ARHGAP15: variants seen among roughly 807,000 people sequenced by gnomAD.
ARHGAP15 encodes the protein rho GTPase-activating protein 15.
ARHGAP15 carries 51 observed loss-of-function variants against 63.7 expected under a neutral mutation model. The ratio of observed to expected loss-of-function variants is 0.80; its 90% CI spans 0.64 to 1.01. ARHGAP15 has a LOEUF of 1.01. ARHGAP15 is among the 50% of genes least tolerant of loss of function. The pLI is 0.00. For synonymous variants in ARHGAP15, 191 were observed against 193.8 expected, an observed-to-expected ratio of 0.99 and a Z score of 0.12; for missense variants, 560 against 564.6, an observed-to-expected ratio of 0.99 and a Z score of 0.08.
chr2:143,630,566 C>T (rs927424801), intron 12 of ARHGAP15, among the ~76,000 whole-genome samples: 3 of 152,060 alleles, frequency 2.0e-5, no homozygotes, highest in South Asian at 2.1e-4. Context: ...AATATCTCTA[C>T]TTTTGATTTA....
At chr2:143,489,131 C>T (rs527685579) in intron 9 of ARHGAP15, among the ~76,000 whole-genome samples, 22 of 152,138 alleles carry the variant, frequency 1.4e-4, no homozygotes, top group Non-Finnish European at 4.4e-5. Context: ...GAGTTTTTCA[C>T]GACTGGGACA....
At chr2:143,234,098 C>T (rs1015423335) in intron 5 of ARHGAP15, among the ~76,000 whole-genome samples, 6 of 152,124 alleles carry the variant, frequency 3.9e-5, no homozygotes, top group Admixed American at 3.9e-4. Flanking sequence ...AGCTGCATTG[C>T]AAATAATTTC....
chr2:143,555,750 T>A (rs760351296), intron 10 of ARHGAP15, among the ~76,000 whole-genome samples: 1 of 152,100 alleles, frequency 6.6e-6, no homozygotes, highest in Non-Finnish European at 1.5e-5. Context: ...TCATTACCTA[T>A]AATACACTAG....
intron 2 of ARHGAP15, among the ~76,000 whole-genome samples, chr2:143,194,690 C>G (rs1157140225): frequency 9.1e-6 from 1 of 109,886 alleles, no homozygotes; most frequent in Non-Finnish European, 1.8e-5. Flanking sequence ...TGTGAATGAC[C>G]CCTCTCTGTC....
intron 6 of ARHGAP15, among the ~76,000 whole-genome samples, chr2:143,401,545 A>G (rs1250819817): frequency 3.3e-5 from 5 of 151,988 alleles, no homozygotes; most frequent in Non-Finnish European, 5.9e-5. Flanking sequence ...TTTGTTGTTG[A>G]GTGTTTCATG....
intron 11 of ARHGAP15, among the ~76,000 whole-genome samples, chr2:143,599,715 G>C (rs1285203262): frequency 2.0e-5 from 3 of 152,136 alleles, no homozygotes; most frequent in Non-Finnish European, 4.4e-5. Context: ...CACACAGTTA[G>C]AATTCATCTT....
intron 12 of ARHGAP15, among the ~76,000 whole-genome samples, chr2:143,695,351 T>C (rs992555654): frequency 7.9e-5 from 12 of 152,156 alleles, no homozygotes; most frequent in Non-Finnish European, 1.6e-4. Context: ...CAAAATTACT[T>C]TGAAGAGCAA....
chr2:143,288,846 C>G (rs1682245964), intron 6 of ARHGAP15, among the ~76,000 whole-genome samples: 1 of 152,018 alleles, frequency 6.6e-6, no homozygotes, highest in African/African-American at 2.4e-5. Flanking sequence ...CCAACTGCTG[C>G]TACAATCAGA....
intron 2 of ARHGAP15, among the ~76,000 whole-genome samples, chr2:143,184,929 C>T (rs182021986): frequency 7.2e-5 from 11 of 151,750 alleles, no homozygotes; most frequent in South Asian, 4.2e-4. Context: ...TCAATCTTCC[C>T]TCGTTGGTTT....
intron 6 of ARHGAP15, among the ~76,000 whole-genome samples, chr2:143,257,919 A>G (rs866840737): frequency 6.6e-6 from 1 of 152,172 alleles, no homozygotes; most frequent in African/African-American, 2.4e-5. Context: ...TAGCAAGACA[A>G]TATTCAAGCC....
intron 8 of ARHGAP15, among the ~76,000 whole-genome samples, chr2:143,483,994 G>A (rs1172907987): frequency 6.6e-6 from 1 of 152,100 alleles, no homozygotes; most frequent in Non-Finnish European, 1.5e-5. Context: ...TTGGGAGGAT[G>A]AGGCAGGAGG....
intron 8 of ARHGAP15, among the ~76,000 whole-genome samples, chr2:143,441,673 G>A (rs1375174713): frequency 1.3e-5 from 2 of 152,140 alleles, no homozygotes; most frequent in South Asian, 2.1e-4. Context: ...AAATCCATGA[G>A]TGTGGAGACC....
chr2:143,305,162 T>A (rs7562772), intron 6 of ARHGAP15, among the ~76,000 whole-genome samples: 71,597 of 151,710 alleles, frequency 0.47, 18,191 homozygotes, highest in African/African-American at 0.67. Flanking sequence ...AAAGGATGAG[T>A]TCATGTCCTT....
intron 6 of ARHGAP15, among the ~76,000 whole-genome samples, chr2:143,410,087 G>A (rs1688381097): frequency 1.3e-5 from 2 of 152,046 alleles, no homozygotes; most frequent in Admixed American, 1.3e-4. Context: ...TCTGAAACCA[G>A]TGTTGGTACA....
At chr2:143,269,965 CTG>C (rs1201383493) in intron 6 of ARHGAP15, among the ~76,000 whole-genome samples, 1 of 152,058 alleles carries the variant, frequency 6.6e-6, no homozygotes, top group Non-Finnish European at 1.5e-5. Flanking sequence ...AAATATTAAT[CTG>C]TGTTACTTTT....
At chr2:143,240,021 A>AAAAAAC (rs1693805052) in intron 5 of ARHGAP15, among the ~76,000 whole-genome samples, 3 of 144,692 alleles carry the variant, frequency 2.1e-5, no homozygotes, top group Non-Finnish European at 4.5e-5. Flanking sequence ...AAAAAAAAAA[A>AAAAAAC]CCACACATGC....
chr2:143,532,975 A>G (rs1232208653), intron 10 of ARHGAP15, among the ~76,000 whole-genome samples: 3 of 152,206 alleles, frequency 2.0e-5, no homozygotes, highest in Non-Finnish European at 2.9e-5. Context: ...CTTAACTAGA[A>G]TTATTGGAGA....
At chr2:143,353,185 C>T (rs568267296) in intron 6 of ARHGAP15, among the ~76,000 whole-genome samples, 14 of 152,162 alleles carry the variant, frequency 9.2e-5, no homozygotes, top group Admixed American at 3.9e-4. Context: ...CCAGCTACAC[C>T]GGAGGCTGAG....
intron 2 of ARHGAP15, among the ~76,000 whole-genome samples, chr2:143,192,818 A>G (rs976247374): frequency 6.6e-6 from 1 of 152,194 alleles, no homozygotes; most frequent in Non-Finnish European, 1.5e-5. Context: ...GTGCCTTTTT[A>G]ATGCAAGGCA....
Sources: gnomAD v4.1 joint callset for allele counts (sites outside exome capture counted in the v4.1 genomes callset) on GRCh38, gnomAD v4.1.1 for gene constraint, MANE v1.5 for transcripts, NCBI Gene and HGNC (gene_info 2026-07-23, HGNC 2026-07-21) for gene names.